RAPGEF2: variants seen among roughly 807,000 people sequenced by gnomAD.
The protein encoded by RAPGEF2 is PDZ domain containing guanine nucleotide exchange factor (GEF) 1.
RAPGEF2 carries 54 observed loss-of-function variants against 186.7 expected under a neutral mutation model. The observed-to-expected ratio is 0.29, with a 90% confidence interval of 0.23 to 0.36. RAPGEF2 has a LOEUF of 0.36. RAPGEF2 is among the 10% of genes least tolerant of loss of function. The pLI, the probability that RAPGEF2 is intolerant of heterozygous loss-of-function variation, is 1.00. For missense variants in RAPGEF2, 1,532 were observed against 2,045.0 expected (o/e 0.75, Z 4.84); for synonymous variants, 712 against 705.9 (o/e 1.01, Z -0.14).
intron 1 of RAPGEF2, among the ~76,000 whole-genome samples, chr4:159,178,503 A>G (rs1263651759): frequency 7.0e-6 from 1 of 143,016 alleles, no homozygotes; most frequent in African/African-American, 2.6e-5. Context: ...AGAGCCCAGG[A>G]TGTGGGGTAC....
At chr4:159,262,826 CT>C (rs10708513) in intron 7 of RAPGEF2, among the ~76,000 whole-genome samples, 43,343 of 148,980 alleles carry the variant, frequency 0.29, 8,176 homozygotes, top group African/African-American at 0.54. Flanking sequence ...CCGTCAGAAA[CT>C]TTTTTTTTTT....
At chr4:159,174,331 C>G (rs1746225658) in intron 1 of RAPGEF2, among the ~76,000 whole-genome samples, 3 of 152,124 alleles carry the variant, frequency 2.0e-5, no homozygotes, top group Admixed American at 2.0e-4. Context: ...GAGAGATAAA[C>G]TCTTTGAGAA....
chr4:159,336,409 G>A (rs1047639351), intron 17 of RAPGEF2, among the ~76,000 whole-genome samples: 1 of 152,104 alleles, frequency 6.6e-6, no homozygotes, highest in Non-Finnish European at 1.5e-5. Flanking sequence ...CCACTTATAA[G>A]TGAGAACATA....
chr4:159,196,108 A>G (rs1008927316), intron 3 of RAPGEF2, among the ~76,000 whole-genome samples: 1 of 152,122 alleles, frequency 6.6e-6, no homozygotes, highest in African/African-American at 2.4e-5. Context: ...ATGATTTCAT[A>G]AGGCCCAAAA....
intron 7 of RAPGEF2, among the ~76,000 whole-genome samples, chr4:159,253,267 A>C (rs113530377): frequency 6.6e-6 from 1 of 152,246 alleles, no homozygotes; most frequent in African/African-American, 2.4e-5. Flanking sequence ...ATGTTAGTGT[A>C]ACTTGCCTTA....
rs546641485 is a variant in RAPGEF2, at chr4:159,345,890, A to G, written c.3502+561A>G. Among the ~76,000 whole-genome samples the G allele has an allele frequency of 1.3e-4, 20 of 152,204 alleles. 1 individual carries two copies. In the South Asian group the frequency reaches 4.1e-3, roughly 32 times the overall value. The stretch of plus-strand genomic sequence containing the variant: ...CTAAATCTGCATCTTGACTTAAAAG[A>G]CAAAGGCATTTTCCATTCAGTACAC... On this transcript the variant is annotated intron_variant, in intron 24 of 29. Coordinates refer to ENST00000691494, the MANE Select transcript of RAPGEF2 (RefSeq NM_001394067.2).
rs545860206 is a variant in RAPGEF2 at position 159,111,035 on chromosome 4, C to A, written c.69+6804C>A. ...ATCTTTTCAGGAAAAAAAAAAACCA[C>A]CCTTGTTTTCACATGCAAAATCGCC... On this transcript the variant is annotated intron_variant, in intron 1 of 29. Coordinates refer to ENST00000691494, the MANE Select transcript of RAPGEF2 (RefSeq NM_001394067.2). Among the ~76,000 whole-genome samples, 12 of 151,700 alleles carry A rather than the reference C, an allele frequency of 7.9e-5. No homozygotes were observed. The South Asian group carries it at 2.3e-3, about 29-fold the overall frequency.
intron 7 of RAPGEF2, among the ~76,000 whole-genome samples, chr4:159,269,832 A>G (rs1272167190): frequency 6.6e-6 from 1 of 152,174 alleles, no homozygotes; most frequent in Non-Finnish European, 1.5e-5. Flanking sequence ...ACATAGTGAA[A>G]TCCATCTCTA....
At chr4:159,210,479 T>C (rs1750414261) in intron 3 of RAPGEF2, 21 bp from the exon 4 acceptor site, 2 of 1,476,972 alleles carry the variant, frequency 1.4e-6, no homozygotes, top group Non-Finnish European at 1.8e-6. Flanking sequence ...ACAATCTGAT[T>C]CTGTTACCTT....
intron 1 of RAPGEF2, among the ~76,000 whole-genome samples, chr4:159,117,189 AAGG>A (rs781671220): frequency 6.6e-6 from 1 of 152,236 alleles, no homozygotes; most frequent in Non-Finnish European, 1.5e-5. Context: ...GAGTTGAAAT[AAGG>A]AGGAATTTGA....
intron 20 of RAPGEF2, 30 bp from the exon 21 acceptor site, chr4:159,342,949 G>A (rs1235464396): frequency 1.9e-6 from 3 of 1,585,932 alleles, no homozygotes. Context: ...TACTTTAGTT[G>A]TTATACCATG....
At chr4:159,241,119 A>T in intron 5 of RAPGEF2, 82 bp from the exon 6 acceptor site, 1 of 1,137,346 alleles carries the variant, frequency 8.8e-7, no homozygotes, top group South Asian at 2.2e-5. Flanking sequence ...AATATGGGTT[A>T]TCTGTAAGTT....
chr4:159,168,951 C>T (rs1296152044), intron 1 of RAPGEF2, among the ~76,000 whole-genome samples: 1 of 152,284 alleles, frequency 6.6e-6, no homozygotes, highest in Middle Eastern at 3.4e-3. Flanking sequence ...TTCTGACAAC[C>T]GTTATTCATA....
chr4:159,173,281 A>G (rs1746110722), intron 1 of RAPGEF2, among the ~76,000 whole-genome samples: 2 of 152,224 alleles, frequency 1.3e-5, no homozygotes, highest in Admixed American at 1.3e-4. Context: ...GAGGCAATAA[A>G]GAACTGGTGT....
At chr4:159,169,789 T>G (rs978793999) in intron 1 of RAPGEF2, among the ~76,000 whole-genome samples, 14 of 152,320 alleles carry the variant, frequency 9.2e-5, no homozygotes, top group African/African-American at 3.4e-4. Flanking sequence ...CTGTTATACC[T>G]ATATACCGCA....
intron 3 of RAPGEF2, among the ~76,000 whole-genome samples, chr4:159,202,326 T>C (rs1749520194): frequency 6.6e-6 from 1 of 152,186 alleles, no homozygotes; most frequent in Admixed American, 6.5e-5. Context: ...CCTTGTTTCA[T>C]ATTTTGTCAG....
chr4:159,129,420 A>G (rs1401280373), intron 1 of RAPGEF2, among the ~76,000 whole-genome samples: 1 of 152,214 alleles, frequency 6.6e-6, no homozygotes, highest in African/African-American at 2.4e-5. Flanking sequence ...CACATATCTC[A>G]GAACAGTTCA....
chr4:159,345,645 GTCT>G (rs1393939746), intron 24 of RAPGEF2, among the ~76,000 whole-genome samples: 2 of 152,156 alleles, frequency 1.3e-5, no homozygotes, highest in Non-Finnish European at 2.9e-5. Flanking sequence ...CCATTTACAT[GTCT>G]TACGTTCTCA....
chr4:159,134,048 A>G (rs1052577239), intron 1 of RAPGEF2, among the ~76,000 whole-genome samples: 14 of 152,192 alleles, frequency 9.2e-5, no homozygotes, highest in African/African-American at 3.1e-4. Flanking sequence ...GTATACAGTC[A>G]TGTCACCACT....
Sources: gnomAD v4.1 joint callset for allele counts (sites outside exome capture counted in the v4.1 genomes callset) on GRCh38, gnomAD v4.1.1 for gene constraint, MANE v1.5 for transcripts, NCBI Gene and HGNC (gene_info 2026-07-23, HGNC 2026-07-21) for gene names.